DDAH1: variants seen among roughly 807,000 people sequenced by gnomAD.
DDAH1 encodes dimethylarginine dimethylaminohydrolase 1.
DDAH1 carries 19 observed loss-of-function variants against 28.8 expected under a neutral mutation model. That is an observed-to-expected ratio of 0.66 (90% CI 0.46 to 0.97). The LOEUF (loss-of-function observed/expected upper bound fraction) is 0.97, where lower values mean the gene tolerates loss of function less well. DDAH1 is among the 50% of genes least tolerant of loss of function. DDAH1 has a pLI of 0.00. For synonymous variants in DDAH1, 153 were observed against 154.4 expected (o/e 0.99, Z 0.07); for missense variants, 326 against 375.9 (o/e 0.87, Z 1.10).
At chr1:85,490,653 C>T (rs17099255) in intron 2 of DDAH1, among the ~76,000 whole-genome samples, 5,973 of 152,318 alleles carry the variant, frequency 0.039, 129 homozygotes, top group East Asian at 0.085. Flanking sequence ...AATTTTTCAA[C>T]CAACAGGGAT....
intron 2 of DDAH1, among the ~76,000 whole-genome samples, 153 bp downstream of exon 2, chr1:85,358,595 G>A (rs1404975435): frequency 1.3e-5 from 2 of 152,176 alleles, no homozygotes; most frequent in African/African-American, 2.4e-5. Flanking sequence ...GTTGCAGCAA[G>A]CCAAGATGGC....
chr1:85,416,676 T>A (rs1652902571), intron 1 of DDAH1, among the ~76,000 whole-genome samples: 1 of 152,166 alleles, frequency 6.6e-6, no homozygotes, highest in Non-Finnish European at 1.5e-5. Flanking sequence ...TTTTCTTTTT[T>A]TCTTTTTTTG....
At chr1:85,410,346 A>G (rs1652592413) in intron 1 of DDAH1, among the ~76,000 whole-genome samples, 1 of 151,834 alleles carries the variant, frequency 6.6e-6, no homozygotes, top group East Asian at 1.9e-4. Context: ...CTTTTTGAGA[A>G]AAAGGAAATG....
chr1:85,431,089 T>A (rs1201937040), intron 1 of DDAH1, among the ~76,000 whole-genome samples: 1 of 151,950 alleles, frequency 6.6e-6, no homozygotes, highest in African/African-American at 2.4e-5. Flanking sequence ...TTATCGAGAG[T>A]TTTTAGCATG....
At chr1:85,488,066 T>C (rs778020853) in intron 2 of DDAH1, among the ~76,000 whole-genome samples, 2 of 151,972 alleles carry the variant, frequency 1.3e-5, no homozygotes, top group Admixed American at 6.6e-5. Flanking sequence ...ACACCTGTAA[T>C]CCCAGCTACT....
intron 1 of DDAH1, among the ~76,000 whole-genome samples, chr1:85,503,412 G>A (rs539532309): frequency 1.4e-4 from 22 of 152,240 alleles, no homozygotes; most frequent in Middle Eastern, 3.4e-3. Flanking sequence ...TGTTAGCCAG[G>A]CTGGTCTCGA....
At chr1:85,422,838 C>T (rs1194981192) in intron 1 of DDAH1, among the ~76,000 whole-genome samples, 1 of 152,184 alleles carries the variant, frequency 6.6e-6, no homozygotes, top group Non-Finnish European at 1.5e-5. Flanking sequence ...CTTGTTCTCC[C>T]TGTCTATGTG....
chr1:85,395,243 TCTGAGAATA>T (rs577800350), intron 1 of DDAH1, among the ~76,000 whole-genome samples: 162 of 152,300 alleles, frequency 1.1e-3, no homozygotes, highest in African/African-American at 3.8e-3. Context: ...AAGTTGTAAG[TCTGAGAATA>T]TATTTTTGGT....
chr1:85,555,478 T>G (rs937151537), intron 1 of DDAH1, among the ~76,000 whole-genome samples: 3 of 152,226 alleles, frequency 2.0e-5, no homozygotes, highest in Non-Finnish European at 4.4e-5. Context: ...CACAATCATC[T>G]GCCAAAAATT....
At chr1:85,459,448 C>G (rs918491942) in intron 1 of DDAH1, among the ~76,000 whole-genome samples, 7 of 152,146 alleles carry the variant, frequency 4.6e-5, no homozygotes, top group Non-Finnish European at 8.8e-5. Flanking sequence ...GCATCCCAGT[C>G]TCTGGGACAC....
intron 4 of DDAH1, among the ~76,000 whole-genome samples, chr1:85,344,450 G>A (rs990648181): frequency 6.6e-6 from 1 of 152,130 alleles, no homozygotes; most frequent in Non-Finnish European, 1.5e-5. Flanking sequence ...TCCTGTAGCC[G>A]GTCAGTGCTG....
intron 1 of DDAH1, chr1:85,399,812 A>T (rs1460355923): frequency 6.6e-6 from 1 of 152,104 alleles, no homozygotes; most frequent in Non-Finnish European, 1.5e-5. Context: ...TGAAATAATC[A>T]ATCTGTTTTT....
intron 1 of DDAH1, among the ~76,000 whole-genome samples, chr1:85,362,229 T>C (rs1415235537): frequency 6.6e-6 from 1 of 151,970 alleles, no homozygotes; most frequent in Non-Finnish European, 1.5e-5. Flanking sequence ...CTGGAAGCTG[T>C]CAAGACATGT....
At chr1:85,431,242 C>T (rs1300046449) in intron 1 of DDAH1, among the ~76,000 whole-genome samples, 6 of 152,046 alleles carry the variant, frequency 3.9e-5, no homozygotes, top group African/African-American at 1.4e-4. Flanking sequence ...GGGATGAAGC[C>T]GACTTGATTG....
At chr1:85,500,718 A>G (rs1001300696) in intron 1 of DDAH1, among the ~76,000 whole-genome samples, 1 of 152,106 alleles carries the variant, frequency 6.6e-6, no homozygotes, top group Non-Finnish European at 1.5e-5. Flanking sequence ...GCCACCTCAT[A>G]CTATTCCACA....
intron 1 of DDAH1, among the ~76,000 whole-genome samples, chr1:85,412,382 C>A (rs1430728051): frequency 6.6e-6 from 1 of 152,162 alleles, no homozygotes; most frequent in African/African-American, 2.4e-5. Context: ...CTAGCTAGTC[C>A]CTCATGGCAA....
chr1:85,403,373 G>A (rs927427929), intron 1 of DDAH1, among the ~76,000 whole-genome samples: 4 of 151,938 alleles, frequency 2.6e-5, no homozygotes, highest in East Asian at 1.9e-4. Context: ...CAAAACGTGC[G>A]AGACACACTG....
chr1:85,393,308 G>T (rs1651652601), intron 1 of DDAH1, among the ~76,000 whole-genome samples: 1 of 152,154 alleles, frequency 6.6e-6, no homozygotes, highest in Non-Finnish European at 1.5e-5. Context: ...TGTGGGGACA[G>T]TCTCTCCCTC....
intron 1 of DDAH1, among the ~76,000 whole-genome samples, chr1:85,428,700 C>T (rs146762825): frequency 6.6e-6 from 1 of 152,094 alleles, no homozygotes; most frequent in Admixed American, 6.5e-5. Flanking sequence ...AGAAGTAACT[C>T]CAGACAACAT....
Sources: allele counts gnomAD v4.1 joint callset (sites outside exome capture counted in the v4.1 genomes callset), GRCh38; gene constraint gnomAD v4.1.1; transcripts MANE v1.5; gene names NCBI Gene and HGNC (gene_info 2026-07-23, HGNC 2026-07-21).